The following SMYD3 variants were observed in gnomAD, a reference collection of about 807,000 sequenced individuals.
The protein encoded by SMYD3 is SET and MYND domain containing 3.
SMYD3 carries 36 observed loss-of-function variants against 57.7 expected under a neutral mutation model. The ratio of observed to expected loss-of-function variants is 0.62; its 90% CI spans 0.48 to 0.82. The LOEUF is 0.82. Among genes scored for constraint, SMYD3 ranks in the 40% least tolerant of loss-of-function variants. The probability of loss-of-function intolerance (pLI) is 0.00; values close to 1 mark genes in which losing one functional copy is unlikely to be tolerated. For synonymous variants in SMYD3, 211 were observed against 195.0 expected (o/e 1.08, Z -0.68); for missense variants, 515 against 538.8 (o/e 0.96, Z 0.44).
chr1:246,472,173 C>T (rs1014049343), intron 1 of SMYD3, among the ~76,000 whole-genome samples: 1 of 152,122 alleles, frequency 6.6e-6, no homozygotes, highest in Non-Finnish European at 1.5e-5. Flanking sequence ...ACACCACACT[C>T]CTACAAATCC....
chr1:245,876,556 C>T (rs2052498504), intron 8 of SMYD3, among the ~76,000 whole-genome samples: 1 of 152,240 alleles, frequency 6.6e-6, no homozygotes, highest in South Asian at 2.1e-4. Context: ...GCTCAATCTA[C>T]AGTTCTGTCT....
intron 1 of SMYD3, among the ~76,000 whole-genome samples, chr1:246,485,816 G>C (rs2068179393): frequency 6.6e-6 from 1 of 152,064 alleles, no homozygotes; most frequent in Admixed American, 6.6e-5. Context: ...TAATAATAAA[G>C]ATCATGGGCT....
intron 5 of SMYD3, among the ~76,000 whole-genome samples, chr1:245,932,809 G>A (rs981858790): frequency 5.3e-5 from 8 of 152,138 alleles, no homozygotes; most frequent in African/African-American, 1.2e-4. Context: ...TGGTCCTCCC[G>A]TCTCGGCTTC....
chr1:246,151,706 T>A (rs1292417790), intron 5 of SMYD3, among the ~76,000 whole-genome samples: 1 of 152,188 alleles, frequency 6.6e-6, no homozygotes, highest in Non-Finnish European at 1.5e-5. Flanking sequence ...TACCCAAGTA[T>A]CTTTAAGGCC....
At chr1:246,108,476 C>CT (rs2061170685) in intron 5 of SMYD3, 1 of 152,196 alleles carries the variant, frequency 6.6e-6, no homozygotes, top group Non-Finnish European at 1.5e-5. Flanking sequence ...CTTCAACAAT[C>CT]TTTGCTTTAC....
chr1:246,090,846 G>A (rs772001862), intron 5 of SMYD3, among the ~76,000 whole-genome samples: 8 of 152,022 alleles, frequency 5.3e-5, no homozygotes, highest in South Asian at 2.1e-4. Flanking sequence ...TCTTAACTCC[G>A]CTTCTAAACT....
intron 5 of SMYD3, among the ~76,000 whole-genome samples, chr1:246,310,529 T>C (rs2065058256): frequency 1.3e-5 from 2 of 152,020 alleles, no homozygotes; most frequent in African/African-American, 4.8e-5. Context: ...TCTAAGAGAG[T>C]TGTGAAAGGT....
intron 5 of SMYD3, among the ~76,000 whole-genome samples, chr1:246,105,928 C>G (rs779282184): frequency 6.6e-6 from 1 of 152,222 alleles, no homozygotes; most frequent in Non-Finnish European, 1.5e-5. Flanking sequence ...CTTTACAAAA[C>G]TTTAATTTCA....
intron 9 of SMYD3, among the ~76,000 whole-genome samples, chr1:245,863,170 C>T (rs2051648033): frequency 6.6e-6 from 1 of 152,196 alleles, no homozygotes; most frequent in African/African-American, 2.4e-5. Context: ...CCAATGAACT[C>T]CTCTACCAGG....
intron 1 of SMYD3, among the ~76,000 whole-genome samples, chr1:246,419,695 T>A (rs1469104614): frequency 6.6e-6 from 1 of 152,210 alleles, no homozygotes; most frequent in Non-Finnish European, 1.5e-5. Flanking sequence ...CACTGGATTC[T>A]CATAGGACCA....
chr1:245,911,666 C>G (rs917349784), intron 8 of SMYD3, among the ~76,000 whole-genome samples: 2 of 151,906 alleles, frequency 1.3e-5, no homozygotes, highest in Non-Finnish European at 2.9e-5. Context: ...CTCACTCATA[C>G]ATGGGAACTA....
chr1:246,181,930 T>A (rs1276019257), intron 5 of SMYD3, among the ~76,000 whole-genome samples: 3 of 152,224 alleles, frequency 2.0e-5, no homozygotes, highest in African/African-American at 4.8e-5. Context: ...ATTTCCCCAA[T>A]GATCACGTAG....
chr1:245,776,197 C>T (rs928908087), intron 10 of SMYD3, among the ~76,000 whole-genome samples: 4 of 152,074 alleles, frequency 2.6e-5, no homozygotes, highest in Admixed American at 2.6e-4. Context: ...TTTTAAAAGT[C>T]TTAATTAAGA....
At chr1:246,286,734 T>A (rs12080670) in intron 5 of SMYD3, among the ~76,000 whole-genome samples, 1 of 152,168 alleles carries the variant, frequency 6.6e-6, no homozygotes, top group African/African-American at 2.4e-5. Flanking sequence ...GTAGGTCTGC[T>A]GCCTCTCAAA....
At chr1:246,091,426 C>T (rs573930642) in intron 5 of SMYD3, among the ~76,000 whole-genome samples, 6 of 151,248 alleles carry the variant, frequency 4.0e-5, no homozygotes, top group South Asian at 2.1e-4. Context: ...CTTTTCCACT[C>T]GGAAGACCCC....
intron 10 of SMYD3, among the ~76,000 whole-genome samples, chr1:245,839,401 C>T (rs1005885238): frequency 1.3e-5 from 2 of 152,052 alleles, no homozygotes; most frequent in Non-Finnish European, 2.9e-5. Context: ...GATCTCCTGA[C>T]CTCGTGATCC....
chr1:245,950,370 C>G (rs1025746771), intron 5 of SMYD3, among the ~76,000 whole-genome samples: 5 of 152,164 alleles, frequency 3.3e-5, no homozygotes, highest in African/African-American at 1.2e-4. Flanking sequence ...TTGCAGTGGT[C>G]CCTGTACCTA....
chr1:246,084,586 A>C (rs1009484405), intron 5 of SMYD3, among the ~76,000 whole-genome samples: 12 of 152,158 alleles, frequency 7.9e-5, no homozygotes, highest in Admixed American at 2.6e-4. Flanking sequence ...ATTTTCTGGG[A>C]ATCAGCATCA....
At chr1:245,763,721 C>T (rs571107177) in intron 11 of SMYD3, among the ~76,000 whole-genome samples, 3 of 152,238 alleles carry the variant, frequency 2.0e-5, no homozygotes, top group South Asian at 2.1e-4. Context: ...ACTTGCTAAA[C>T]GTGGAGAGGG....
Sources: allele counts gnomAD v4.1 joint callset (sites outside exome capture counted in the v4.1 genomes callset), GRCh38; gene constraint gnomAD v4.1.1; transcripts MANE v1.5; gene names NCBI Gene and HGNC (gene_info 2026-07-23, HGNC 2026-07-21).